CNTNAP2: variants seen among roughly 807,000 people sequenced by gnomAD.
CNTNAP2 encodes the protein contactin-associated protein-like 2.
A neutral mutation model predicts 155.2 loss-of-function variants in CNTNAP2; 98 were observed. That is an observed-to-expected ratio of 0.63 (90% CI 0.54 to 0.75). The LOEUF (loss-of-function observed/expected upper bound fraction) is 0.75, where lower values mean the gene tolerates loss of function less well. CNTNAP2 is among the 30% of genes least tolerant of loss of function. The pLI, the probability that CNTNAP2 is intolerant of heterozygous loss-of-function variation, is 0.00. For synonymous variants in CNTNAP2, 651 were observed against 631.2 expected, an observed-to-expected ratio of 1.03 and a Z score of -0.47; for missense variants, 1,727 against 1,688.1, an observed-to-expected ratio of 1.02 and a Z score of -0.40.
chr7:148,028,246 C>T (rs1802407920), intron 15 of CNTNAP2, among the ~76,000 whole-genome samples: 1 of 152,182 alleles, frequency 6.6e-6, no homozygotes, highest in South Asian at 2.1e-4. Context: ...TAGAAGGTGA[C>T]TAGAGTAACT....
At chr7:146,166,087 T>C (rs756507682) in intron 1 of CNTNAP2, among the ~76,000 whole-genome samples, 3 of 152,100 alleles carry the variant, frequency 2.0e-5, no homozygotes, top group Non-Finnish European at 4.4e-5. Flanking sequence ...GTTTTTTTGG[T>C]GGTGGTGTTC....
chr7:146,837,433 C>T (rs1347109207), intron 2 of CNTNAP2, among the ~76,000 whole-genome samples: 2 of 152,046 alleles, frequency 1.3e-5, no homozygotes, highest in African/African-American at 4.8e-5. Context: ...TCTCCTTCAA[C>T]ATTTTGCATT....
At chr7:146,704,403 A>C (rs1800928481) in intron 1 of CNTNAP2, among the ~76,000 whole-genome samples, 1 of 152,182 alleles carries the variant, frequency 6.6e-6, no homozygotes, top group African/African-American at 2.4e-5. Flanking sequence ...CTAATTTGTT[A>C]CATAAGTCTA....
At chr7:146,694,860 A>G (rs1458594782) in intron 1 of CNTNAP2, among the ~76,000 whole-genome samples, 1 of 152,092 alleles carries the variant, frequency 6.6e-6, no homozygotes, top group Non-Finnish European at 1.5e-5. Flanking sequence ...GCTAATGTGA[A>G]TGATTTTATA....
At chr7:148,409,345 C>G in intron 22 of CNTNAP2, 46 bp from the exon 23 acceptor site, 1 of 1,409,968 alleles carries the variant, frequency 7.1e-7, no homozygotes, top group African/African-American at 1.4e-5. Context: ...TATTTGGGAT[C>G]AATAGTATAC....
chr7:147,591,059 A>G (rs1800726587), intron 12 of CNTNAP2, among the ~76,000 whole-genome samples: 1 of 152,224 alleles, frequency 6.6e-6, no homozygotes, highest in Admixed American at 6.5e-5. Flanking sequence ...AACTTGGTGA[A>G]GGGCACCTGT....
At chr7:148,101,652 C>A (rs533333538) in intron 15 of CNTNAP2, among the ~76,000 whole-genome samples, 1 of 152,216 alleles carries the variant, frequency 6.6e-6, no homozygotes, top group African/African-American at 2.4e-5. Context: ...AATTTTAGAG[C>A]CCTTGTTCTT....
chr7:148,119,103 C>T (rs767942216), intron 16 of CNTNAP2, among the ~76,000 whole-genome samples: 2 of 152,164 alleles, frequency 1.3e-5, no homozygotes, highest in African/African-American at 4.8e-5. Flanking sequence ...TGTTGAACTC[C>T]GTTGGCTGTG....
chr7:147,082,884 C>T (rs1800165993), intron 4 of CNTNAP2: 1 of 152,116 alleles, frequency 6.6e-6, no homozygotes, highest in East Asian at 1.9e-4. Flanking sequence ...CTGAGCCTGG[C>T]TCCCATCTTG....
chr7:148,318,307 C>A (rs541458014), intron 21 of CNTNAP2, among the ~76,000 whole-genome samples: 1 of 152,268 alleles, frequency 6.6e-6, no homozygotes, highest in African/African-American at 2.4e-5. Flanking sequence ...CCCTGCCTCT[C>A]GCCATTCTCA....
intron 13 of CNTNAP2, among the ~76,000 whole-genome samples, chr7:147,704,809 G>A (rs1019161709): frequency 3.9e-5 from 6 of 152,072 alleles, no homozygotes; most frequent in African/African-American, 1.4e-4. Flanking sequence ...AATCTTGATA[G>A]GTTGTGTCCA....
At chr7:147,271,594 G>A (rs1466865507) in intron 8 of CNTNAP2, among the ~76,000 whole-genome samples, 1 of 152,138 alleles carries the variant, frequency 6.6e-6, no homozygotes, top group Non-Finnish European at 1.5e-5. Context: ...ATGTGGCTGG[G>A]GAGGCCTCAC....
chr7:148,200,578 T>C (rs1349960415), intron 18 of CNTNAP2, among the ~76,000 whole-genome samples: 2 of 152,120 alleles, frequency 1.3e-5, no homozygotes, highest in East Asian at 1.9e-4. Flanking sequence ...ATATTTCTAC[T>C]GGACAGGACT....
intron 1 of CNTNAP2, among the ~76,000 whole-genome samples, chr7:146,545,157 A>G (rs1218084771): frequency 6.6e-6 from 1 of 151,810 alleles, no homozygotes; most frequent in Non-Finnish European, 1.5e-5. Flanking sequence ...AGTGGAACAG[A>G]GGTAGAGGAT....
chr7:147,803,987 G>A (rs558882570), intron 13 of CNTNAP2, among the ~76,000 whole-genome samples: 1 of 152,356 alleles, frequency 6.6e-6, no homozygotes, highest in Non-Finnish European at 1.5e-5. Context: ...CTGTGGCTAA[G>A]AGCATCTTTG....
At chr7:146,168,607 CCTG>C (rs1410019605) in intron 1 of CNTNAP2, among the ~76,000 whole-genome samples, 2 of 152,166 alleles carry the variant, frequency 1.3e-5, no homozygotes, top group Admixed American at 1.3e-4. Context: ...ACTCTTCTCT[CCTG>C]CTCACATTTA....
intron 1 of CNTNAP2, among the ~76,000 whole-genome samples, chr7:146,743,528 G>T (rs935218308): frequency 6.6e-6 from 1 of 151,568 alleles, no homozygotes. Flanking sequence ...TTTTTTGGAA[G>T]CTCTAGAGTA....
At position 147,866,551 on chromosome 7, in the gene CNTNAP2, T is replaced by C. The variant is rs1799232563; in HGVS notation, c.2099-37014T>C. 2.0e-5 allele frequency among the ~76,000 whole-genome samples: 3 copies of C among 152,160 alleles called. No individual in the cohort carries two copies. The South Asian group carries it at 6.2e-4, about 32-fold the overall frequency. On this transcript the variant is annotated intron_variant, in intron 13 of 23. Coordinates refer to ENST00000361727, the MANE Select transcript of CNTNAP2 (RefSeq NM_014141.6). ...GTCTCCCATTATTATTGTGTGGGAG[T>C]ATAAGTCTCCTTGTAGGTCTCTAAG... is the stretch of plus-strand genomic sequence containing the variant.
At chr7:146,788,725 C>T (rs1160908438) in intron 2 of CNTNAP2, among the ~76,000 whole-genome samples, 1 of 152,120 alleles carries the variant, frequency 6.6e-6, no homozygotes, top group Non-Finnish European at 1.5e-5. Flanking sequence ...CATGTTTAAG[C>T]TTCCTGTCCT....
Sources: gnomAD v4.1 joint callset for allele counts (sites outside exome capture counted in the v4.1 genomes callset) on GRCh38, gnomAD v4.1.1 for gene constraint, MANE v1.5 for transcripts, NCBI Gene and HGNC (gene_info 2026-07-23, HGNC 2026-07-21) for gene names.